Variants in IL1RL2 observed in about 807,000 individuals in gnomAD.
IL1RL2 encodes the protein interleukin-1 receptor-like 2.
IL1RL2 carries 68 observed loss-of-function variants against 66.8 expected under a neutral mutation model. That is an observed-to-expected ratio of 1.02 (90% CI 0.84 to 1.25). The LOEUF (loss-of-function observed/expected upper bound fraction) is 1.25. IL1RL2 is among the 50% of genes most tolerant of loss of function. The pLI, the probability that IL1RL2 is intolerant of heterozygous loss-of-function variation, is 0.00. For synonymous variants in IL1RL2, 305 were observed against 264.6 expected, an observed-to-expected ratio of 1.15 and a Z score of -1.48; for missense variants, 729 against 709.3, an observed-to-expected ratio of 1.03 and a Z score of -0.32.
Position 102,189,261 on chromosome 2 carries a change from T to C in IL1RL2, c.244T>C (p.Phe82Leu), listed in dbSNP as rs1687014069. ...TCACCAGGACGAGACTTGGATTTTG[T>C]TTCTCCCCATGGAATGGGGGGACTC... ...RIHQDETWIL[F>L]LPMEWGDSGV... Residue 82 changes from phenylalanine to leucine, a missense_variant, in exon 3 of 12, where the codon TTT becomes CTT. Phe to Leu is a conservative substitution (Grantham distance 22). Transcript: ENST00000264257. 2 of 1,613,872 alleles carry C rather than the reference T, an allele frequency of 1.2e-6. No individual in the cohort carries two copies. Among genetic ancestry groups the C allele is most frequent in the Non-Finnish European group, 8.5e-7 (1 of 1,179,970 alleles).
chr2:102,193,571 C>T (rs1687415097), intron 4 of IL1RL2, among the ~76,000 whole-genome samples: 1 of 152,242 alleles, frequency 6.6e-6, no homozygotes, highest in South Asian at 2.1e-4. Context: ...AGACTGGTCT[C>T]GAACTCCTGG....
chr2:102,204,832 G>T (rs1384354610), intron 5 of IL1RL2, among the ~76,000 whole-genome samples: 2 of 151,932 alleles, frequency 1.3e-5, no homozygotes, highest in African/African-American at 4.8e-5. Context: ...TTATTGGAGA[G>T]TTTAGTCCAT....
intron 9 of IL1RL2, 38 bp downstream of exon 9, chr2:102,226,079 G>T (rs373206970): frequency 1.3e-5 from 19 of 1,514,358 alleles, no homozygotes; most frequent in South Asian, 2.6e-5. Flanking sequence ...CCTCAAAATT[G>T]GTATCCTCTT....
At chr2:102,233,486 A>G (rs537808682) in intron 10 of IL1RL2, among the ~76,000 whole-genome samples, 1 of 152,282 alleles carries the variant, frequency 6.6e-6, no homozygotes, top group South Asian at 2.1e-4. Flanking sequence ...CATCCCTGAG[A>G]TGAACTGCTG....
rs761334202 is a variant in IL1RL2, at chr2:102,212,134, A to G, written c.684A>G (p.Lys228=). The G allele has an allele frequency of 5.0e-6, 8 of 1,613,672 alleles. No homozygotes were observed. In the South Asian group the frequency reaches 7.7e-5, roughly 16 times the overall value. Residue 228 remains lysine, a synonymous_variant, in exon 6 of 12, where the codon AAA becomes AAG. Coordinates refer to ENST00000264257, the MANE Select transcript of IL1RL2 (RefSeq NM_003854.4). ...ERAGYGGSVP[K]IIYPKNHSIE... is the part of the protein sequence containing the mutation. ...CTGGATATGGAGGAAGTGTCCCTAA[A>G]ATCATTTATCCAAAAAATCATTCAA...
At chr2:102,196,953 C>A (rs1254027826) in intron 4 of IL1RL2, among the ~76,000 whole-genome samples, 1 of 152,160 alleles carries the variant, frequency 6.6e-6, no homozygotes, top group East Asian at 1.9e-4. Context: ...ATAGTGAATA[C>A]ATTGGAAGGC....
intron 6 of IL1RL2, among the ~76,000 whole-genome samples, chr2:102,213,033 A>G (rs1689313390): frequency 6.6e-6 from 1 of 151,984 alleles, no homozygotes; most frequent in Admixed American, 6.6e-5. Context: ...ATTACATCTG[A>G]AAAAAAAGCA....
At position 102,233,600 on chromosome 2, in the gene IL1RL2, G is replaced by A. The variant is rs182111557; in HGVS notation, c.1297+476G>A. The stretch of plus-strand genomic sequence containing the variant: ...CCTCCCCTCCCTAAATATAATGGAA[G>A]TTTTAGTGTACTTTTCCCACTTGAT... On this transcript the variant is annotated intron_variant, in intron 10 of 11. Transcript: ENST00000264257. 1.4e-3 allele frequency among the ~76,000 whole-genome samples: 219 copies of A among 152,240 alleles called. 2 individuals are homozygous for A. Among genetic ancestry groups the A allele is most frequent in the Non-Finnish European group, 7.4e-4 (50 of 68,016 alleles).
At chr2:102,188,034 C>A in intron 2 of IL1RL2, 109 bp downstream of exon 2, 2 of 1,010,696 alleles carry the variant, frequency 2.0e-6, no homozygotes, top group Non-Finnish European at 3.1e-6. Context: ...GCTCCTTCCC[C>A]TCCCCAGACC....
At chr2:102,240,778 T>A (rs1398435853), downstream of IL1RL2, among the ~76,000 whole-genome samples, 1 of 152,226 alleles carries the variant, frequency 6.6e-6, no homozygotes, top group Non-Finnish European at 1.5e-5. Context: ...GACTTCCTGG[T>A]CAATCAGCTT....
At chr2:102,193,867 T>C (rs1056478726) in intron 4 of IL1RL2, among the ~76,000 whole-genome samples, 4 of 152,208 alleles carry the variant, frequency 2.6e-5, no homozygotes, top group Admixed American at 1.3e-4. Flanking sequence ...ATATTTCTTA[T>C]TTTACTTTTC....
intron 1 of IL1RL2, chr2:102,187,412 T>G: frequency 2.7e-6 from 3 of 1,126,968 alleles, no homozygotes; most frequent in Non-Finnish European, 3.3e-6. Context: ...CAGGCTCGGG[T>G]GGATCCCGAG....
intron 6 of IL1RL2, 109 bp downstream of exon 6, chr2:102,212,283 A>G: frequency 1.3e-6 from 1 of 765,714 alleles, no homozygotes; most frequent in Non-Finnish European, 2.2e-6. Flanking sequence ...TCCTATACAC[A>G]CCCAGTTTCC....
intron 9 of IL1RL2, among the ~76,000 whole-genome samples, chr2:102,231,265 C>A (rs1691103221): frequency 6.6e-6 from 1 of 152,112 alleles, no homozygotes; most frequent in African/African-American, 2.4e-5. Flanking sequence ...CACTTTTTTC[C>A]CCTCAACTCT....
rs184813238 is a variant in IL1RL2, at chr2:102,213,481, G to A, written c.724+1307G>A. Among the ~76,000 whole-genome samples, 18 of 151,952 alleles carry A rather than the reference G, an allele frequency of 1.2e-4. No homozygotes were observed. In the East Asian group the frequency reaches 1.9e-3, roughly 16 times the overall value. On this transcript the variant is annotated intron_variant, in intron 6 of 11. Coordinates refer to ENST00000264257, the MANE Select transcript of IL1RL2 (RefSeq NM_003854.4). ...TAAACATATATCAAAACATCACATC[G>A]TACCCATAAATATATGTAATTATTA... is the stretch of plus-strand genomic sequence containing the variant.
chr2:102,216,206 AAAGAG>A (rs1479480172), intron 6 of IL1RL2, among the ~76,000 whole-genome samples: 1 of 152,234 alleles, frequency 6.6e-6, no homozygotes, highest in Non-Finnish European at 1.5e-5. Context: ...AAAAAGAACC[AAAGAG>A]AAGTCTGAGC....
At chr2:102,205,772 C>G (rs550980755) in intron 5 of IL1RL2, among the ~76,000 whole-genome samples, 11 of 152,232 alleles carry the variant, frequency 7.2e-5, no homozygotes, top group Admixed American at 5.2e-4. Flanking sequence ...GGACTGATAT[C>G]TTTCTCTAGG....
At position 102,228,966 on chromosome 2, in the gene IL1RL2, C is replaced by T. The variant is rs141077825; in HGVS notation, c.1135+2925C>T. On this transcript the variant is annotated intron_variant, in intron 9 of 11. Coordinates refer to ENST00000264257, the MANE Select transcript of IL1RL2 (RefSeq NM_003854.4). Reference sequence around the variant, plus strand: ...AACTTTCCCATGGTAAATGTCATAGCGTGTTTTGTGTGGCTTTTCTTCTAG... The same window carrying T: ...AACTTTCCCATGGTAAATGTCATAGTGTGTTTTGTGTGGCTTTTCTTCTAG... Among the ~76,000 whole-genome samples the T allele has an allele frequency of 8.2e-4, 124 of 151,978 alleles. 2 individuals are homozygous for T. The highest frequency in any genetic ancestry group is 2.9e-3 in the African/African-American group (120 of 41,440).
chr2:102,200,507 T>C (rs923730833), intron 4 of IL1RL2, among the ~76,000 whole-genome samples: 11 of 152,172 alleles, frequency 7.2e-5, no homozygotes. Flanking sequence ...GATTTTATCT[T>C]TTAGATTGTG....
Sources: gnomAD v4.1 joint callset for allele counts (sites outside exome capture counted in the v4.1 genomes callset) on GRCh38, gnomAD v4.1.1 for gene constraint, MANE v1.5 for transcripts, NCBI Gene and HGNC (gene_info 2026-07-23, HGNC 2026-07-21) for gene names.